DYSF: variants seen among roughly 807,000 people sequenced by gnomAD.
DYSF encodes dystrophy-associated fer-1-like 1.
Under a neutral mutation model 274.9 loss-of-function variants are expected in DYSF, and 212 were observed. The ratio of observed to expected loss-of-function variants is 0.77; its 90% confidence interval spans 0.69 to 0.86. The LOEUF (loss-of-function observed/expected upper bound fraction) is 0.86. DYSF is among the 40% of genes least tolerant of loss of function. The pLI, the probability that DYSF is intolerant of heterozygous loss-of-function variation, is 0.00. For synonymous variants in DYSF, 1,091 were observed against 1,078.7 expected, an observed-to-expected ratio of 1.01 and a Z score of -0.22; for missense variants, 2,666 against 2,783.2, an observed-to-expected ratio of 0.96 and a Z score of 0.95.
At chr2:71,655,218 C>G (rs1239060747) in intron 42 of DYSF, among the ~76,000 whole-genome samples, 1 of 151,954 alleles carries the variant, frequency 6.6e-6, no homozygotes, top group East Asian at 1.9e-4. Flanking sequence ...GATCAAATAA[C>G]TAGTTATTTT....
intron 53 of DYSF, 104 bp downstream of exon 53, chr2:71,679,339 CT>C: frequency 8.5e-7 from 1 of 1,174,046 alleles, no homozygotes; most frequent in Non-Finnish European, 1.2e-6. Flanking sequence ...ACTGTTCCTC[CT>C]CCTTTCTCCC....
At position 71,491,748 on chromosome 2, in the gene DYSF, C is replaced by CT. The variant is rs1362396997; in HGVS notation, c.239+9783dup. 5.3e-5 allele frequency among the ~76,000 whole-genome samples: 8 copies of CT among 152,238 alleles called. No homozygotes were observed. In the East Asian group the frequency reaches 7.7e-4, roughly 15 times the overall value. The stretch of plus-strand genomic sequence containing the variant: ...TTCCTGCAAAGGACATGATCTCATT[C>CT]TTTTTCATGGCTGCATAGTATTCCA... On this transcript the variant is annotated intron_variant, in intron 3 of 55. Coordinates refer to ENST00000410020, the MANE Select transcript of DYSF (RefSeq NM_001130987.2).
intron 36 of DYSF, among the ~76,000 whole-genome samples, chr2:71,607,028 C>T (rs544795336): frequency 1.3e-5 from 2 of 152,280 alleles, no homozygotes; most frequent in South Asian, 4.2e-4. Flanking sequence ...TCCCTGTGTA[C>T]AGAATTGCTG....
chr2:71,543,608 C>T (rs1247169437), intron 17 of DYSF, among the ~76,000 whole-genome samples: 1 of 152,216 alleles, frequency 6.6e-6, no homozygotes, highest in Non-Finnish European at 1.5e-5. Context: ...ATCTGCAATC[C>T]CAGCACCTCA....
chr2:71,577,205 C>T (rs2092728978), intron 30 of DYSF: 1 of 153,370 alleles, frequency 6.5e-6, no homozygotes, highest in African/African-American at 2.4e-5. Context: ...GTGACACACA[C>T]TCACACACTG....
At chr2:71,479,676 C>G (rs72896870) in intron 1 of DYSF, among the ~76,000 whole-genome samples, 4 of 152,334 alleles carry the variant, frequency 2.6e-5, no homozygotes, top group African/African-American at 9.6e-5. Flanking sequence ...GGGACAGGCA[C>G]TTGCCCCTTC....
intron 47 of DYSF, 137 bp from the exon 48 acceptor site, chr2:71,667,239 C>T (rs905271187): frequency 1.6e-6 from 2 of 1,219,616 alleles, no homozygotes; most frequent in Non-Finnish European, 2.4e-6. Flanking sequence ...AAAAGTGCAT[C>T]TGTGCTGGGG....
intron 55 of DYSF, among the ~76,000 whole-genome samples, chr2:71,685,400 C>T (rs2095344836): frequency 1.3e-5 from 2 of 152,232 alleles, no homozygotes; most frequent in Non-Finnish European, 2.9e-5. Flanking sequence ...TGCAGACTGG[C>T]TTTGCTCACA....
chr2:71,453,897 A>T, exon 1 of DYSF: 1 of 1,176,636 alleles, frequency 8.5e-7, no homozygotes, highest in East Asian at 2.5e-5. Flanking sequence ...TCGCCCAGCC[A>T]GCCCTCTCCA....
At chr2:71,532,210 T>G (rs953513874) in intron 14 of DYSF, among the ~76,000 whole-genome samples, 1 of 152,244 alleles carries the variant, frequency 6.6e-6, no homozygotes, top group Non-Finnish European at 1.5e-5. Context: ...AATTCAAATT[T>G]TCCTCTTTTA....
chr2:71,546,530 G>C (rs1444348473), intron 17 of DYSF, among the ~76,000 whole-genome samples: 1 of 152,258 alleles, frequency 6.6e-6, no homozygotes. Flanking sequence ...CCTGTGCTCT[G>C]AAGTATTAAG....
chr2:71,513,672 A>G (rs2086341091), intron 6 of DYSF, 44 bp from the exon 7 acceptor site: 4 of 1,600,570 alleles, frequency 2.5e-6, no homozygotes, highest in Non-Finnish European at 3.4e-6. Flanking sequence ...GGGCAGGGGC[A>G]GGGCCAGAGG....
At chr2:71,523,691 C>A (rs2087555611) in intron 12 of DYSF, among the ~76,000 whole-genome samples, 1 of 152,042 alleles carries the variant, frequency 6.6e-6, no homozygotes, top group South Asian at 2.1e-4. Context: ...GGATTACAAG[C>A]GTGCGCCACC....
intron 53 of DYSF, 151 bp downstream of exon 53, chr2:71,679,386 T>C (rs1434117037): frequency 1.1e-5 from 9 of 809,588 alleles, no homozygotes; most frequent in Non-Finnish European, 1.7e-5. Flanking sequence ...CTCTCTATTT[T>C]CCAAGGCATT....
rs768207094 is a variant in DYSF, at chr2:71,516,187, T to C, written c.896T>C (p.Phe299Ser). ...TTTGCTCTGAACCAACAGACTCTTTTCTTCAACTTGTTTGACTCTCCTGGG... is the reference window on the plus strand; with the variant it reads ...TTTGCTCTGAACCAACAGACTCTTTCCTTCAACTTGTTTGACTCTCCTGGG... ...GNSPLFNETL[F>S]FNLFDSPGEL... is the part of the protein sequence containing the mutation. Residue 299 changes from phenylalanine to serine, a missense_variant, in exon 9 of 56, where the codon TTC becomes TCC. This residue lies in a region of DYSF where 794 missense variants were observed against 777.1 expected (regional missense o/e 1.02). Coordinates refer to ENST00000410020, the MANE Select transcript of DYSF (RefSeq NM_001130987.2). The C allele has an allele frequency of 6.2e-7, 1 of 1,614,200 alleles. No individual in the cohort carries two copies. The highest frequency in any genetic ancestry group is 8.5e-7 in the Non-Finnish European group (1 of 1,180,028).
intron 1 of DYSF, among the ~76,000 whole-genome samples, chr2:71,477,746 C>T (rs1190814342): frequency 6.6e-6 from 1 of 152,200 alleles, no homozygotes; most frequent in South Asian, 2.1e-4. Flanking sequence ...ACAAAATGTT[C>T]ATTGATCTGG....
chr2:71,484,239 GAC>G (rs774792423), intron 3 of DYSF, among the ~76,000 whole-genome samples: 5 of 152,040 alleles, frequency 3.3e-5, no homozygotes, highest in Non-Finnish European at 5.9e-5. Flanking sequence ...TTTTAGTAGA[GAC>G]AGGGTTCCTC....
At chr2:71,510,686 C>T (rs746429370) in intron 4 of DYSF, among the ~76,000 whole-genome samples, 3 of 152,188 alleles carry the variant, frequency 2.0e-5, no homozygotes, top group African/African-American at 4.8e-5. Flanking sequence ...AGTCCCTGGA[C>T]GTCCCTAACA....
At chr2:71,514,997 A>G (rs557533902) in intron 7 of DYSF, among the ~76,000 whole-genome samples, 32 of 152,284 alleles carry the variant, frequency 2.1e-4, no homozygotes, top group African/African-American at 7.5e-4. Flanking sequence ...TGGTCAGTAA[A>G]TAACAGTTGA....
Sources: allele counts gnomAD v4.1 joint callset (sites outside exome capture counted in the v4.1 genomes callset), GRCh38; gene constraint gnomAD v4.1.1; regional missense constraint gnomAD v4.1.1; transcripts MANE v1.5; gene names NCBI Gene and HGNC (gene_info 2026-07-23, HGNC 2026-07-21).